Variants in MDN1 observed in about 807,000 individuals in gnomAD.
MDN1 encodes midasin.
A neutral mutation model predicts 669.2 loss-of-function variants in MDN1; 266 were observed. The observed-to-expected ratio is 0.40, with a 90% CI of 0.36 to 0.44. The LOEUF (loss-of-function observed/expected upper bound fraction) is 0.44, where lower values mean the gene tolerates loss of function less well. Ranked by LOEUF, MDN1 falls within the 20% of genes least tolerant of loss-of-function variation. The pLI, the probability that MDN1 is intolerant of heterozygous loss-of-function variation, is 1.00. For synonymous variants in MDN1, 2,385 were observed against 2,457.1 expected, an observed-to-expected ratio of 0.97 and a Z score of 0.87; for missense variants, 5,940 against 6,754.0, an observed-to-expected ratio of 0.88 and a Z score of 4.22.
intron 1 of MDN1, among the ~76,000 whole-genome samples, chr6:89,809,681 C>T (rs1768251336): frequency 6.6e-6 from 1 of 151,572 alleles, no homozygotes; most frequent in African/African-American, 2.4e-5. Context: ...GAGGCTGAGG[C>T]AGGAGAATCG....
intron 45 of MDN1, among the ~76,000 whole-genome samples, chr6:89,715,203 C>A (rs186030456): frequency 5.9e-5 from 9 of 152,324 alleles, no homozygotes; most frequent in Non-Finnish European, 1.0e-4. Context: ...ATTAAACCTG[C>A]TCCTTTACCA....
rs1814605105 is a variant in MDN1 at position 89,718,754 on chromosome 6, G to A, written c.6321+13C>T. On this transcript the variant is annotated intron_variant, in intron 42 of 101. Transcript: ENST00000369393. ...TTATGCTTTGCCAGAAAATATGAAGGCAGACTGGTTACCTGCTCAAATCCA... is the reference window on the plus strand; with the variant it reads ...TTATGCTTTGCCAGAAAATATGAAGACAGACTGGTTACCTGCTCAAATCCA... 1 of 1,612,024 alleles carries A rather than the reference G, an allele frequency of 6.2e-7. No individual in the cohort carries two copies. The highest frequency in any genetic ancestry group is 1.3e-5 in the African/African-American group (1 of 74,890).
intron 37 of MDN1, among the ~76,000 whole-genome samples, chr6:89,727,099 G>A (rs1049712139): frequency 1.3e-5 from 2 of 151,978 alleles, no homozygotes; most frequent in Admixed American, 1.3e-4. Context: ...TCTGAAAAAT[G>A]GAAAAAAATT....
chr6:89,682,719 A>C (rs1363004057), intron 73 of MDN1, among the ~76,000 whole-genome samples: 3 of 148,812 alleles, frequency 2.0e-5, no homozygotes, highest in African/African-American at 4.9e-5. Flanking sequence ...AAAAAAAAAA[A>C]AAAAAAAACT....
intron 2 of MDN1, among the ~76,000 whole-genome samples, chr6:89,795,814 T>C (rs949621720): frequency 2.0e-5 from 3 of 151,654 alleles, no homozygotes; most frequent in Non-Finnish European, 1.5e-5. Flanking sequence ...TAGCCGGGCA[T>C]GGTGGTGGCT....
intron 34 of MDN1, among the ~76,000 whole-genome samples, chr6:89,731,556 C>CA (rs1256678506): frequency 1.3e-5 from 2 of 150,788 alleles, no homozygotes; most frequent in Admixed American, 1.3e-4. Context: ...GGGAGTTGAA[C>CA]AATGAGAACA....
intron 46 of MDN1, among the ~76,000 whole-genome samples, 153 bp from the exon 47 acceptor site, chr6:89,713,449 C>A (rs771822101): frequency 1.4e-4 from 21 of 152,128 alleles, no homozygotes; most frequent in Non-Finnish European, 2.4e-4. Flanking sequence ...TAGAGTCCTC[C>A]GAGGGCACAA....
intron 7 of MDN1, among the ~76,000 whole-genome samples, chr6:89,788,364 C>G (rs1819078552): frequency 6.6e-6 from 1 of 152,228 alleles, no homozygotes; most frequent in South Asian, 2.1e-4. Context: ...GCAGTGAAGT[C>G]TTCCCAGAGG....
intron 73 of MDN1, 95 bp from the exon 74 acceptor site, chr6:89,680,846 T>C: frequency 3.0e-6 from 4 of 1,334,130 alleles, no homozygotes; most frequent in Non-Finnish European, 4.1e-6. Flanking sequence ...CAAAAACACA[T>C]CCCTAGTTCA....
chr6:89,770,153 C>A (rs775301900), intron 15 of MDN1, among the ~76,000 whole-genome samples: 13 of 151,746 alleles, frequency 8.6e-5, no homozygotes, highest in Non-Finnish European at 1.5e-5. Context: ...CACCTGTAAT[C>A]CCAGCAATTT....
Position 89,779,230 on chromosome 6 carries a change from G to A in MDN1, c.1725+982C>T, listed in dbSNP as rs546870367. On this transcript the variant is annotated intron_variant, in intron 11 of 101. Coordinates refer to ENST00000369393, the MANE Select transcript of MDN1 (RefSeq NM_014611.3). ...TCAAATTCAGTAGAAATATATTTTA[G>A]AGTAGAAGAGAACAATTCCTCTGGT... Among the ~76,000 whole-genome samples, 127 of 152,278 alleles carry A rather than the reference G, an allele frequency of 8.3e-4. 1 individual carries two copies. Among genetic ancestry groups the A allele is most frequent in the African/African-American group, 3.0e-3 (124 of 41,570 alleles).
intron 33 of MDN1, among the ~76,000 whole-genome samples, chr6:89,736,934 C>T (rs1246541012): frequency 6.6e-6 from 1 of 152,190 alleles, no homozygotes; most frequent in East Asian, 1.9e-4. Flanking sequence ...GTATTAGTGG[C>T]ATCACCTGAG....
chr6:89,657,608 G>GA (rs1809410384), intron 90 of MDN1, among the ~76,000 whole-genome samples: 1 of 152,170 alleles, frequency 6.6e-6, no homozygotes, highest in South Asian at 2.1e-4. Context: ...AGAGCTTTCT[G>GA]AAAAACAACA....
chr6:89,793,253 G>A (rs970344048), intron 5 of MDN1, among the ~76,000 whole-genome samples: 1 of 152,190 alleles, frequency 6.6e-6, no homozygotes, highest in Non-Finnish European at 1.5e-5. Flanking sequence ...AGCAGTCCAA[G>A]GGTCTCCAGC....
chr6:89,777,784 AC>A (rs1818429493), intron 11 of MDN1, among the ~76,000 whole-genome samples: 1 of 152,160 alleles, frequency 6.6e-6, no homozygotes, highest in African/African-American at 2.4e-5. Flanking sequence ...GACTCAGTAT[AC>A]AAGACCATTT....
In MDN1 at chr6:89,790,303, C is replaced by T. The variant is rs752746006; in HGVS notation, c.954G>A (p.Ala318=). The change falls in exon 6 of 102, where the codon GCG becomes GCA. Residue 318 remains alanine (A), a synonymous_variant. Transcript: ENST00000369393. ...ACAACACAGCATTCTGAGAAGCAAC[C>T]GCCATAGCCAGGGTCTGAAGACTTT... ...VCKSLQTLAM[A]VASQNAVLLE... is the part of the protein sequence containing the mutation. 3.1e-6 allele frequency: 5 copies of T among 1,613,990 alleles called. No individual in the cohort carries two copies. The highest frequency in any genetic ancestry group is 2.2e-5 in the South Asian group (2 of 91,080).
chr6:89,681,827 T>C lies in MDN1; in HGVS notation c.12103-1076A>G, dbSNP rs547210891. ...AGCTAATTACTCTTTAAAAAGTAATTTTTTTTGGAGAGACAGGGTCTCATA... is the reference window on the plus strand; with the variant it reads ...AGCTAATTACTCTTTAAAAAGTAATCTTTTTTGGAGAGACAGGGTCTCATA... On this transcript the variant is annotated intron_variant, in intron 73 of 101. Transcript: ENST00000369393. Among the ~76,000 whole-genome samples, 8 of 152,176 alleles carry C rather than the reference T, an allele frequency of 5.3e-5. No individual in the cohort carries two copies. The East Asian group carries it at 1.5e-3, about 29-fold the overall frequency.
Position 89,780,296 on chromosome 6 carries a change from T to TA in MDN1, c.1644-4_1644-3insT, listed in dbSNP as rs1329607118. ...TATTACACCAATTCAGCAGATCCCT[T>TA]TAAAAAAAAGAAAGAAAAGAAAAAA... On this transcript the variant is annotated splice_polypyrimidine_tract_variant and splice_region_variant and intron_variant, in intron 10 of 101. Coordinates refer to ENST00000369393, the MANE Select transcript of MDN1 (RefSeq NM_014611.3). 1 of 1,551,372 alleles carries TA rather than the reference T, an allele frequency of 6.4e-7. No homozygotes were observed. The highest frequency in any genetic ancestry group is 1.3e-5 in the South Asian group (1 of 79,848).
chr6:89,670,168 A>ATTTTTTTTTTT (rs1431713155), intron 83 of MDN1, among the ~76,000 whole-genome samples: 12 of 21,632 alleles, frequency 5.5e-4, no homozygotes, highest in South Asian at 2.8e-3. Flanking sequence ...ATATATATAT[A>ATTTTTTTTTTT]TATTTTTTTT....
Sources: gnomAD v4.1 joint callset for allele counts (sites outside exome capture counted in the v4.1 genomes callset) on GRCh38, gnomAD v4.1.1 for gene constraint, MANE v1.5 for transcripts, NCBI Gene and HGNC (gene_info 2026-07-23, HGNC 2026-07-21) for gene names.